The following CENPL variants were observed in gnomAD, a reference collection of about 807,000 sequenced individuals.
The protein encoded by CENPL is interphase centromere complex protein 33.
CENPL carries 20 observed loss-of-function variants against 35.2 expected under a neutral mutation model. The ratio of observed to expected loss-of-function variants is 0.57; its 90% CI spans 0.40 to 0.83. CENPL has a LOEUF of 0.83. Among genes scored for constraint, CENPL ranks in the 40% least tolerant of loss-of-function variants. CENPL has a pLI of 0.00. For missense variants in CENPL, 363 were observed against 395.8 expected (o/e 0.92, Z 0.70); for synonymous variants, 140 against 140.6 (o/e 1.00, Z 0.03).
chr1:173,813,281 C>T (rs1018219111), intron 2 of CENPL, among the ~76,000 whole-genome samples: 27 of 152,134 alleles, frequency 1.8e-4, no homozygotes, highest in African/African-American at 5.8e-4. Context: ...ACTTCCCCAA[C>T]CTAGCAAGGC....
At chr1:173,804,559 T>C (rs1650041065) in intron 4 of CENPL, among the ~76,000 whole-genome samples, 1 of 152,220 alleles carries the variant, frequency 6.6e-6, no homozygotes, top group Non-Finnish European at 1.5e-5. Flanking sequence ...ATTATACTCC[T>C]ATTAATGTAA....
chr1:173,800,763 CAAA>C (rs1649670496), intron 5 of CENPL, among the ~76,000 whole-genome samples: 1 of 151,464 alleles, frequency 6.6e-6, no homozygotes, highest in African/African-American at 2.4e-5. Flanking sequence ...GCCTGGGCAA[CAAA>C]GGGAGACCTC....
At chr1:173,804,721 A>C (rs1167833601) in intron 4 of CENPL, among the ~76,000 whole-genome samples, 1 of 152,184 alleles carries the variant, frequency 6.6e-6, no homozygotes, top group Non-Finnish European at 1.5e-5. Flanking sequence ...GATTTGGCTC[A>C]TTGGACAATC....
At position 173,800,017 on chromosome 1, in the gene CENPL, G is replaced by A. The variant is rs1284404441; in HGVS notation, c.*431C>T. On this transcript the variant is annotated 3_prime_UTR_variant, in exon 6 of 6. Coordinates refer to ENST00000682279, the MANE Select transcript of CENPL (RefSeq NM_001387287.1). Reference sequence around the variant, plus strand: ...TGGGATCATAGGCATGTGCCACCACGCCCAGCTAATTATTGTATTTTCAGT... The same window carrying A: ...TGGGATCATAGGCATGTGCCACCACACCCAGCTAATTATTGTATTTTCAGT... The A allele has an allele frequency of 2.0e-5, 3 of 152,644 alleles. No individual in the cohort carries two copies. Among genetic ancestry groups the A allele is most frequent in the Admixed American group, 1.3e-4 (2 of 15,344 alleles). 9.5% of individuals were successfully genotyped at this position (152,644 alleles called of 1,614,324 possible).
chr1:173,807,817 C>T (rs1283873859), intron 3 of CENPL, among the ~76,000 whole-genome samples: 1 of 152,198 alleles, frequency 6.6e-6, no homozygotes, highest in Non-Finnish European at 1.5e-5. Context: ...GCACCCACTC[C>T]AACTTTGTAT....
chr1:173,802,939 CT>C (rs776878261), intron 5 of CENPL, 23 bp downstream of exon 5: 18 of 1,503,464 alleles, frequency 1.2e-5, no homozygotes, highest in Non-Finnish European at 1.5e-5. Flanking sequence ...GGAAAAATTA[CT>C]TAACTAGATT....
Position 173,799,971 on chromosome 1 carries a change from T to G in CENPL, c.*477A>C, listed in dbSNP as rs965692320. On this transcript the variant is annotated 3_prime_UTR_variant, in exon 6 of 6. Transcript: ENST00000682279. Reference sequence around the variant, plus strand: ...GTCTTCTGGGTTAAAACGATTCTCCTGCCTCAGCCTCCCCAGTAGCTGGGA... The same window carrying G: ...GTCTTCTGGGTTAAAACGATTCTCCGGCCTCAGCCTCCCCAGTAGCTGGGA... 6.6e-6 allele frequency: 1 copy of G among 152,386 alleles called. No homozygotes were observed. Among genetic ancestry groups the G allele is most frequent in the East Asian group, 1.9e-4 (1 of 5,192 alleles). 9.4% of individuals were successfully genotyped at this position (152,386 alleles called of 1,614,324 possible). A position where few individuals can be genotyped will look rare whatever the true frequency, so the allele number is the denominator to read the frequency against.
At chr1:173,820,656 C>T (rs1219840379) in intron 2 of CENPL, among the ~76,000 whole-genome samples, 2 of 151,870 alleles carry the variant, frequency 1.3e-5, no homozygotes, top group Non-Finnish European at 2.9e-5. Flanking sequence ...TTCATAATAG[C>T]CAAAAATTGA....
intron 2 of CENPL, among the ~76,000 whole-genome samples, chr1:173,812,424 C>T (rs980174726): frequency 3.9e-5 from 6 of 152,208 alleles, no homozygotes; most frequent in Admixed American, 3.9e-4. Context: ...TAGGGGCCGA[C>T]TGACACCTCA....
intron 2 of CENPL, among the ~76,000 whole-genome samples, chr1:173,814,738 T>C (rs1163443582): frequency 1.3e-5 from 2 of 152,256 alleles, no homozygotes; most frequent in African/African-American, 4.8e-5. Context: ...GCAGGAAAGA[T>C]ATACAACTGA....
Position 173,817,125 on chromosome 1 carries a change from G to A in CENPL, c.-7-5819C>T, listed in dbSNP as rs578022087. Among the ~76,000 whole-genome samples, 169 of 151,518 alleles carry A rather than the reference G, an allele frequency of 1.1e-3. 3 individuals are homozygous for A. Among genetic ancestry groups the A allele is most frequent in the Admixed American group, 2.2e-3 (34 of 15,200 alleles). On this transcript the variant is annotated intron_variant, in intron 2 of 5. Transcript: ENST00000682279. ...TGCACTCTAGCCTGGGTGACAGAGC[G>A]AGACTCCGTCTCAGAAAAAAAAGAA...
At chr1:173,820,037 G>A (rs899838261) in intron 2 of CENPL, among the ~76,000 whole-genome samples, 7 of 152,074 alleles carry the variant, frequency 4.6e-5, no homozygotes, top group Non-Finnish European at 5.9e-5. Context: ...AAATAGCACA[G>A]GTTGAGCATC....
At chr1:173,812,375 C>T (rs776811481) in intron 2 of CENPL, among the ~76,000 whole-genome samples, 3 of 152,224 alleles carry the variant, frequency 2.0e-5, no homozygotes, top group Non-Finnish European at 2.9e-5. Flanking sequence ...CAAGTGGGTC[C>T]CTGACCCCCG....
intron 4 of CENPL, 51 bp downstream of exon 4, chr1:173,807,216 C>G: frequency 2.8e-6 from 4 of 1,418,684 alleles, no homozygotes; most frequent in Non-Finnish European, 2.8e-6. Context: ...TTTAGTCAAA[C>G]AAGACATAAT....
intron 4 of CENPL, among the ~76,000 whole-genome samples, chr1:173,805,039 C>T (rs561468227): frequency 1.3e-5 from 2 of 152,114 alleles, no homozygotes; most frequent in African/African-American, 4.8e-5. Flanking sequence ...TATCAAGAAA[C>T]GAAATTTAAT....
chr1:173,810,988 G>A (rs903543806), intron 3 of CENPL, 144 bp downstream of exon 3: 22 of 637,528 alleles, frequency 3.5e-5, no homozygotes, highest in Admixed American at 1.1e-4. Context: ...AGCACTGATC[G>A]TTATGAAATT....
chr1:173,807,522 T>A lies in CENPL; in HGVS notation c.169-4A>T. On this transcript the variant is annotated splice_polypyrimidine_tract_variant and splice_region_variant and intron_variant, in intron 3 of 5. Coordinates refer to ENST00000682279, the MANE Select transcript of CENPL (RefSeq NM_001387287.1). The stretch of plus-strand genomic sequence containing the variant: ...CCTTTTGAGGGTCAACATCTTCCTA[T>A]AAAAAAAAATCAAGACAAAAGAAGT... The A allele has an allele frequency of 7.0e-7, 1 of 1,437,904 alleles. No individual in the cohort carries two copies. Among genetic ancestry groups the A allele is most frequent in the Non-Finnish European group, 9.2e-7 (1 of 1,082,194 alleles). 89.1% of individuals were successfully genotyped at this position (1,437,904 alleles called of 1,614,324 possible).
intron 2 of CENPL, among the ~76,000 whole-genome samples, chr1:173,816,362 G>C (rs994523405): frequency 1.1e-4 from 17 of 152,138 alleles, no homozygotes; most frequent in Non-Finnish European, 1.8e-4. Flanking sequence ...ACAAAAAAGA[G>C]CCCACATTGC....
chr1:173,813,723 G>A (rs1020245933), intron 2 of CENPL, among the ~76,000 whole-genome samples: 12 of 152,102 alleles, frequency 7.9e-5, no homozygotes, highest in African/African-American at 1.9e-4. Flanking sequence ...GCAAAAACAC[G>A]CGAAATTGTA....
Sources: allele counts gnomAD v4.1 joint callset (sites outside exome capture counted in the v4.1 genomes callset), GRCh38; gene constraint gnomAD v4.1.1; transcripts MANE v1.5; gene names NCBI Gene and HGNC (gene_info 2026-07-23, HGNC 2026-07-21).